The following CDH4 variants were observed in gnomAD, a reference collection of about 807,000 sequenced individuals.
The protein encoded by CDH4 is cadherin 4, also known as cadherin-4.
CDH4 carries 33 observed loss-of-function variants against 86.0 expected under a neutral mutation model. The observed-to-expected ratio is 0.38, with a 90% CI of 0.29 to 0.51. The LOEUF (loss-of-function observed/expected upper bound fraction) is 0.51. Among genes scored for constraint, CDH4 ranks in the 20% least tolerant of loss-of-function variants. The pLI is 0.86. For missense variants in CDH4, 1,114 were observed against 1,307.4 expected (o/e 0.85, Z 2.28); for synonymous variants, 555 against 549.4 (o/e 1.01, Z -0.14).
intron 9 of CDH4, among the ~76,000 whole-genome samples, chr20:61,914,636 G>A (rs1776234): frequency 0.81 from 123,717 of 151,942 alleles, 52,205 homozygotes; most frequent in Non-Finnish European, 0.95. Flanking sequence ...CATGCTCAGG[G>A]GAACAAACAT....
intron 4 of CDH4, among the ~76,000 whole-genome samples, chr20:61,787,065 A>G (rs1978916663): frequency 6.6e-6 from 1 of 152,224 alleles, no homozygotes; most frequent in Admixed American, 6.5e-5. Context: ...TGATGATGAC[A>G]GCAGGCTGTG....
At chr20:61,806,175 A>G (rs184716701) in intron 4 of CDH4, among the ~76,000 whole-genome samples, 50 of 152,298 alleles carry the variant, frequency 3.3e-4, no homozygotes, top group African/African-American at 1.2e-3. Flanking sequence ...TGCGGCAGTG[A>G]CCTCTTAGTA....
intron 2 of CDH4, among the ~76,000 whole-genome samples, chr20:61,420,634 G>A (rs1600961770): frequency 6.6e-6 from 1 of 152,240 alleles, no homozygotes; most frequent in South Asian, 2.1e-4. Flanking sequence ...ATGCCCAGGT[G>A]CAGCCAAAGC....
At chr20:61,656,775 C>T (rs2087196805) in intron 2 of CDH4, among the ~76,000 whole-genome samples, 1 of 152,202 alleles carries the variant, frequency 6.6e-6, no homozygotes, top group African/African-American at 2.4e-5. Context: ...GGCAGGGGTC[C>T]ATTCCTCCAG....
intron 4 of CDH4, among the ~76,000 whole-genome samples, chr20:61,773,845 G>A (rs890655973): frequency 1.3e-5 from 2 of 152,160 alleles, no homozygotes; most frequent in Non-Finnish European, 2.9e-5. Context: ...AGGGTCCCCA[G>A]AGTGTGCTTA....
chr20:61,577,027 T>C (rs1213520014), intron 2 of CDH4, among the ~76,000 whole-genome samples: 1 of 152,276 alleles, frequency 6.6e-6, no homozygotes, highest in African/African-American at 2.4e-5. Context: ...AAACATTCAC[T>C]TGTGTCACCA....
chr20:61,344,480 G>A (rs1407955896), intron 2 of CDH4, among the ~76,000 whole-genome samples: 3 of 152,214 alleles, frequency 2.0e-5, no homozygotes, highest in African/African-American at 4.8e-5. Context: ...TTAACATGGT[G>A]AGTTCGAGAG....
chr20:61,297,822 C>A (rs1368890607), intron 2 of CDH4, among the ~76,000 whole-genome samples: 1 of 152,260 alleles, frequency 6.6e-6, no homozygotes, highest in Non-Finnish European at 1.5e-5. Context: ...AATGAGCAGG[C>A]GCCCTTGGCT....
chr20:61,550,137 T>C (rs933950465), intron 2 of CDH4, among the ~76,000 whole-genome samples: 1 of 149,618 alleles, frequency 6.7e-6, no homozygotes, highest in Middle Eastern at 3.5e-3. Flanking sequence ...CTGGCCTCCC[T>C]AGCCTACCTC....
chr20:61,904,436 T>C (rs1378546144), intron 8 of CDH4, among the ~76,000 whole-genome samples: 1 of 152,026 alleles, frequency 6.6e-6, no homozygotes, highest in Non-Finnish European at 1.5e-5. Flanking sequence ...CCCCCTTCTT[T>C]CTTGATGAAA....
At chr20:61,270,037 C>T (rs560560304) in intron 2 of CDH4, among the ~76,000 whole-genome samples, 2 of 152,326 alleles carry the variant, frequency 1.3e-5, no homozygotes, top group African/African-American at 2.4e-5. Context: ...TGTTTAGATA[C>T]TTTCTCCCCT....
At chr20:61,341,087 C>T (rs550493946) in intron 2 of CDH4, among the ~76,000 whole-genome samples, 53 of 152,318 alleles carry the variant, frequency 3.5e-4, no homozygotes, top group African/African-American at 1.2e-3. Flanking sequence ...GAGACAGTCA[C>T]GATCCTGGCC....
intron 7 of CDH4, among the ~76,000 whole-genome samples, chr20:61,891,644 C>G (rs1179894082): frequency 6.6e-6 from 1 of 152,204 alleles, no homozygotes; most frequent in Non-Finnish European, 1.5e-5. Flanking sequence ...GCCCAGGAGC[C>G]AGCGCCCCAC....
At chr20:61,568,744 T>C (rs896304678) in intron 2 of CDH4, among the ~76,000 whole-genome samples, 2 of 152,152 alleles carry the variant, frequency 1.3e-5, no homozygotes. Flanking sequence ...TTAATGGGGC[T>C]CTCCTGACTT....
At chr20:61,931,581 C>T (rs191408809) in intron 13 of CDH4, among the ~76,000 whole-genome samples, 59 of 152,338 alleles carry the variant, frequency 3.9e-4, no homozygotes, top group African/African-American at 1.4e-3. Context: ...GGGCCTCAGT[C>T]GTTACATCTG....
intron 2 of CDH4, among the ~76,000 whole-genome samples, chr20:61,331,520 T>C (rs2084572493): frequency 9.2e-6 from 1 of 108,262 alleles, no homozygotes; most frequent in Admixed American, 1.0e-4. Context: ...AGCTGTCCTC[T>C]GATCTGCCCA....
rs952009230 is a variant in CDH4, at chr20:61,765,352, C to T, written c.397-7651C>T. Among the ~76,000 whole-genome samples the T allele has an allele frequency of 2.6e-5, 4 of 152,214 alleles. 1 individual carries two copies. Among genetic ancestry groups the T allele is most frequent in the Admixed American group, 2.6e-4 (4 of 15,290 alleles). On this transcript the variant is annotated intron_variant, in intron 3 of 15. Transcript: ENST00000614565. ...GATGCCCCAGACTGCAGAATCTCCC[C>T]ACCCCTGGGCTCTGTTCGACCGATG...
At chr20:61,291,745 T>G (rs1204509621) in intron 2 of CDH4, among the ~76,000 whole-genome samples, 1 of 152,218 alleles carries the variant, frequency 6.6e-6, no homozygotes, top group Non-Finnish European at 1.5e-5. Flanking sequence ...ATTATCTTTT[T>G]TTTCCACTTT....
chr20:61,519,212 C>A (rs1274651890), intron 2 of CDH4, among the ~76,000 whole-genome samples: 1 of 152,216 alleles, frequency 6.6e-6, no homozygotes, highest in African/African-American at 2.4e-5. Context: ...ACATTTGGGA[C>A]CTTCATAGGA....
Sources: gnomAD v4.1 joint callset for allele counts (sites outside exome capture counted in the v4.1 genomes callset) on GRCh38, gnomAD v4.1.1 for gene constraint, MANE v1.5 for transcripts, NCBI Gene and HGNC (gene_info 2026-07-23, HGNC 2026-07-21) for gene names.